CDH13: variants seen among roughly 807,000 people sequenced by gnomAD.
The protein encoded by CDH13 is cadherin-13.
Under a neutral mutation model 63.8 loss-of-function variants are expected in CDH13, and 24 were observed. The observed-to-expected ratio is 0.38, with a 90% CI of 0.27 to 0.53. The LOEUF (loss-of-function observed/expected upper bound fraction) is 0.53, where lower values mean the gene tolerates loss of function less well. Among genes scored for constraint, CDH13 ranks in the 20% least tolerant of loss-of-function variants. CDH13 has a pLI of 0.85. For synonymous variants in CDH13, 503 were observed against 355.3 expected, an observed-to-expected ratio of 1.42 and a Z score of -4.67; for missense variants, 1,049 against 903.1, an observed-to-expected ratio of 1.16 and a Z score of -2.07.
intron 1 of CDH13, chr16:82,705,199 T>G: frequency 2.2e-6 from 1 of 455,798 alleles, no homozygotes; most frequent in Non-Finnish European, 4.4e-6. Flanking sequence ...TATTATTTCA[T>G]GATGAGCTTT....
At chr16:83,793,834 C>A (rs1030225286) in intron 13 of CDH13, among the ~76,000 whole-genome samples, 8 of 151,014 alleles carry the variant, frequency 5.3e-5, no homozygotes, top group African/African-American at 1.9e-4. Context: ...AAAAAAATTT[C>A]TCAGATGTGA....
At chr16:83,519,923 C>A (rs74449309) in intron 7 of CDH13, among the ~76,000 whole-genome samples, 1,584 of 152,100 alleles carry the variant, frequency 0.01, 18 homozygotes, top group Non-Finnish European at 0.016. Flanking sequence ...CTTCTGCTTG[C>A]TATGTTGAGT....
intron 2 of CDH13, among the ~76,000 whole-genome samples, chr16:82,955,887 C>G (rs567953059): frequency 4.6e-5 from 7 of 152,146 alleles, no homozygotes; most frequent in Non-Finnish European, 8.8e-5. Flanking sequence ...ACAAAGAATG[C>G]CTTAGGTGTT....
intron 3 of CDH13, among the ~76,000 whole-genome samples, chr16:83,116,779 T>C (rs58171983): frequency 0.18 from 27,833 of 152,150 alleles, 3,628 homozygotes; most frequent in African/African-American, 0.37. Context: ...ACGTAAATTA[T>C]ACCTCAATAA....
chr16:83,556,518 G>A (rs1180664846), intron 7 of CDH13, among the ~76,000 whole-genome samples: 4 of 152,176 alleles, frequency 2.6e-5, no homozygotes, highest in Admixed American at 2.6e-4. Flanking sequence ...GTTCAAAGAT[G>A]AGGAAATTGA....
intron 1 of CDH13, among the ~76,000 whole-genome samples, chr16:82,730,901 T>C (rs2033367341): frequency 6.6e-6 from 1 of 152,224 alleles, no homozygotes; most frequent in Admixed American, 6.5e-5. Context: ...TTGCATCAAC[T>C]TATAATTAAG....
chr16:83,240,904 A>G (rs770790784), intron 5 of CDH13, among the ~76,000 whole-genome samples: 20 of 151,774 alleles, frequency 1.3e-4, no homozygotes, highest in Admixed American at 4.6e-4. Flanking sequence ...CATTAAGTCC[A>G]CTCACATTGT....
At chr16:83,349,343 G>A (rs752501013) in intron 6 of CDH13, among the ~76,000 whole-genome samples, 1 of 152,120 alleles carries the variant, frequency 6.6e-6, no homozygotes, top group Non-Finnish European at 1.5e-5. Context: ...AATTCCTGGA[G>A]GGCACTAATT....
chr16:82,675,317 C>G lies in CDH13; in HGVS notation c.45+48180C>G, dbSNP rs563014737. Among the ~76,000 whole-genome samples, 361 of 152,176 alleles carry G rather than the reference C, an allele frequency of 2.4e-3. 2 individuals carry two copies. The highest frequency in any genetic ancestry group is 5.6e-3 in the South Asian group (27 of 4,826). On this transcript the variant is annotated intron_variant, in intron 1 of 13. Coordinates refer to ENST00000567109, the MANE Select transcript of CDH13 (RefSeq NM_001257.5). ...TTTATCTAGCCCATCTATTATTTCT[C>G]TATATTATATGGCTGTATACTTGAA...
intron 5 of CDH13, among the ~76,000 whole-genome samples, chr16:83,217,799 A>C (rs1220255817): frequency 6.6e-6 from 1 of 152,198 alleles, no homozygotes; most frequent in Non-Finnish European, 1.5e-5. Flanking sequence ...TTGGCTTTCC[A>C]GAGACCAGCT....
chr16:82,913,652 G>A (rs912000654), intron 2 of CDH13, among the ~76,000 whole-genome samples: 1 of 152,188 alleles, frequency 6.6e-6, no homozygotes, highest in African/African-American at 2.4e-5. Flanking sequence ...GCTGACGAGA[G>A]AGCTGCTGTG....
chr16:83,143,385 A>G (rs899805430), intron 4 of CDH13, among the ~76,000 whole-genome samples: 7 of 152,218 alleles, frequency 4.6e-5, no homozygotes, highest in African/African-American at 1.4e-4. Context: ...TCATATACAT[A>G]CTATAAAACT....
At chr16:83,479,045 G>C (rs1260579048) in intron 6 of CDH13, among the ~76,000 whole-genome samples, 2 of 152,122 alleles carry the variant, frequency 1.3e-5, no homozygotes, top group African/African-American at 2.4e-5. Context: ...AGGTTGGTTG[G>C]TTATCTTTCA....
intron 13 of CDH13, among the ~76,000 whole-genome samples, chr16:83,787,796 A>G (rs1915984961): frequency 6.6e-6 from 1 of 152,216 alleles, no homozygotes; most frequent in Admixed American, 6.5e-5. Flanking sequence ...TACAAAAATT[A>G]GCCAGGCGTG....
chr16:83,516,964 T>A (rs2074711119), intron 7 of CDH13, among the ~76,000 whole-genome samples: 1 of 152,160 alleles, frequency 6.6e-6, no homozygotes, highest in Non-Finnish European at 1.5e-5. Context: ...AAAAATATTG[T>A]CACCAGAGAA....
chr16:83,424,273 A>G (rs111755705), intron 6 of CDH13, among the ~76,000 whole-genome samples: 13 of 149,890 alleles, frequency 8.7e-5, no homozygotes, highest in Non-Finnish European at 1.7e-4. Flanking sequence ...CTAGAAGAGG[A>G]AAATCCAACA....
At chr16:83,330,841 C>T (rs938254988) in intron 5 of CDH13, among the ~76,000 whole-genome samples, 1 of 152,184 alleles carries the variant, frequency 6.6e-6, no homozygotes, top group African/African-American at 2.4e-5. Flanking sequence ...TTTCAGATTC[C>T]TGCAGGCAGC....
At chr16:83,424,558 C>A (rs1217663052) in intron 6 of CDH13, among the ~76,000 whole-genome samples, 1 of 152,064 alleles carries the variant, frequency 6.6e-6, no homozygotes, top group Non-Finnish European at 1.5e-5. Flanking sequence ...ATTAGTTAGA[C>A]TGAGGCAAAC....
chr16:83,021,747 AT>A (rs1486441105), intron 2 of CDH13, among the ~76,000 whole-genome samples: 1 of 152,210 alleles, frequency 6.6e-6, no homozygotes, highest in African/African-American at 2.4e-5. Flanking sequence ...TGGAAGTGAA[AT>A]TCACTCCTGG....
Sources: gnomAD v4.1 joint callset for allele counts (sites outside exome capture counted in the v4.1 genomes callset) on GRCh38, gnomAD v4.1.1 for gene constraint, MANE v1.5 for transcripts, NCBI Gene and HGNC (gene_info 2026-07-23, HGNC 2026-07-21) for gene names.